NUP85: variants seen among roughly 807,000 people sequenced by gnomAD.
NUP85 encodes nuclear pore complex protein Nup85.
In NUP85, 23 loss-of-function variants were observed where a neutral mutation model predicts 92.8. The ratio of observed to expected loss-of-function variants is 0.25; its 90% CI spans 0.18 to 0.35. The LOEUF (loss-of-function observed/expected upper bound fraction) is 0.35. NUP85 is among the 10% of genes least tolerant of loss of function. The pLI is 1.00. For synonymous variants in NUP85, 314 were observed against 306.9 expected (o/e 1.02, Z -0.24); for missense variants, 759 against 822.8 (o/e 0.92, Z 0.95).
chr17:75,234,093 C>CCACG (rs2076224387), intron 16 of NUP85, among the ~76,000 whole-genome samples: 1 of 150,488 alleles, frequency 6.6e-6, no homozygotes, highest in Non-Finnish European at 1.5e-5. Flanking sequence ...ACTCTGTCGC[C>CCACG]CACGCTGGAG....
chr17:75,209,082 TAATA>T (rs2075178226), intron 2 of NUP85, among the ~76,000 whole-genome samples: 1 of 152,184 alleles, frequency 6.6e-6, no homozygotes, highest in African/African-American at 2.4e-5. Context: ...GGAAAAAAAT[TAATA>T]GTTTTCATGA....
At chr17:75,210,136 A>G (rs757397917) in intron 3 of NUP85, 151 bp downstream of exon 3, 26 of 637,674 alleles carry the variant, frequency 4.1e-5, no homozygotes, top group Non-Finnish European at 6.1e-5. Flanking sequence ...GACAGTGTAC[A>G]TTAGCAGTGA....
rs752455411 is a variant in NUP85, at chr17:75,233,146, C to G, written c.1603C>G (p.Leu535Val). ...LGPAMMLSDR[L>V]TFLGKYREFH... is the part of the protein sequence containing the mutation. ...GCCAGCCATGATGCTCAGTGACCGA[C>G]TGACATTCCTGGGTGAGTCTCTGGG... Residue 535 changes from leucine (L) to valine (V), a missense_variant, in exon 16 of 19, where the codon CTG becomes GTG. Transcript: ENST00000245544. The G allele has an allele frequency of 3.7e-6, 6 of 1,614,094 alleles. No individual in the cohort carries two copies. The highest frequency in any genetic ancestry group is 2.2e-5 in the East Asian group (1 of 44,874).
intron 3 of NUP85, 63 bp from the exon 4 acceptor site, chr17:75,211,929 C>T: frequency 7.8e-7 from 1 of 1,284,228 alleles, no homozygotes; most frequent in South Asian, 1.3e-5. Flanking sequence ...TTGAGTGTTT[C>T]CTTCCTTTGT....
At position 75,235,358 on chromosome 17, in the gene NUP85, A is replaced by C. The variant is rs151203844; in HGVS notation, c.1869+157A>C. 4.8e-6 allele frequency: 3 copies of C among 623,454 alleles called. No individual in the cohort carries two copies. The East Asian group carries it at 8.3e-5, about 17-fold the overall frequency. The allele number at this position is 623,454 out of a possible 1,614,324, so 38.6% of individuals were successfully genotyped here. On this transcript the variant is annotated intron_variant, in intron 18 of 18. Coordinates refer to ENST00000245544, the MANE Select transcript of NUP85 (RefSeq NM_024844.5). Reference sequence around the variant, plus strand: ...AATTCACACACCACCTTCTTTTAGGAGAAAATCAGGGATTCTAGTGTTCTC... The same window carrying C: ...AATTCACACACCACCTTCTTTTAGGCGAAAATCAGGGATTCTAGTGTTCTC...
chr17:75,214,394 G>A (rs971382205), intron 5 of NUP85, among the ~76,000 whole-genome samples: 2 of 152,122 alleles, frequency 1.3e-5, no homozygotes, highest in Admixed American at 1.3e-4. Context: ...ATTTATTTCG[G>A]GGTCTTATAT....
In NUP85 at chr17:75,231,542, A is replaced by G; in HGVS notation, c.1179-31A>G. 6.2e-7 allele frequency: 1 copy of G among 1,613,592 alleles called. No individual in the cohort carries two copies. Among genetic ancestry groups the G allele is most frequent in the Non-Finnish European group, 8.5e-7 (1 of 1,179,518 alleles). ...GGGGCCCTGAACAGGGCAGGCCAGGAGTCTTGGTCTTTTGTTATGTTTTAT... is the reference window on the plus strand; with the variant it reads ...GGGGCCCTGAACAGGGCAGGCCAGGGGTCTTGGTCTTTTGTTATGTTTTAT... On this transcript the variant is annotated intron_variant, in intron 12 of 18. Transcript: ENST00000245544. The surrounding 1 kb of genome is among the most constrained non-coding windows in gnomAD (Gnocchi z 4.6).
chr17:75,227,316 T>G (rs1333253157), intron 11 of NUP85, among the ~76,000 whole-genome samples: 2 of 147,524 alleles, frequency 1.4e-5, no homozygotes, highest in Non-Finnish European at 3.0e-5. Flanking sequence ...TTTTGTGTGT[T>G]TGTTTCTGGG....
chr17:75,231,444 G>A lies in NUP85; in HGVS notation c.1178+21G>A, dbSNP rs368696821. 37 of 1,613,304 alleles carry A rather than the reference G, an allele frequency of 2.3e-5. No homozygotes were observed. The Admixed American group carries it at 2.5e-4, about 11-fold the overall frequency. ...CTCTAGTAAGTGGCCGGGAGGCACC[G>A]ATCCTCCTCTTCTTACCACCAGGCC... On this transcript the variant is annotated intron_variant, in intron 12 of 18. Transcript: ENST00000245544. The surrounding 1 kb of genome is among the most constrained non-coding windows in gnomAD (Gnocchi z 4.6).
Position 75,208,518 on chromosome 17 carries a change from T to C in NUP85, c.34-9T>C, listed in dbSNP as rs368548724. 1.1e-4 allele frequency: 155 copies of C among 1,455,524 alleles called. No individual in the cohort carries two copies. Among genetic ancestry groups the C allele is most frequent in the South Asian group, 1.6e-4 (14 of 86,420 alleles). The allele number at this position is 1,455,524 out of a possible 1,614,324, so 90.2% of individuals were successfully genotyped here. A position where few individuals can be genotyped will look rare whatever the true frequency, so the allele number is the denominator to read the frequency against. On this transcript the variant is annotated splice_polypyrimidine_tract_variant and intron_variant, in intron 1 of 18. Transcript: ENST00000245544. Reference sequence around the variant, plus strand: ...TTTCATTTTAGATTTCTATGCCTTATTTTACTAGTTGATTCCAGGCGTGAA... The same window carrying C: ...TTTCATTTTAGATTTCTATGCCTTACTTTACTAGTTGATTCCAGGCGTGAA...
intron 4 of NUP85, 27 bp downstream of exon 4, chr17:75,212,089 T>C (rs202030397): frequency 0.076 from 88,408 of 1,162,180 alleles, 2,666 homozygotes; most frequent in Middle Eastern, 0.17. Flanking sequence ...CGTGCGCGCG[T>C]GTGTGTGTGT....
At chr17:75,214,900 G>A (rs1031348271) in intron 5 of NUP85, among the ~76,000 whole-genome samples, 1 of 150,054 alleles carries the variant, frequency 6.7e-6, no homozygotes, top group Non-Finnish European at 1.5e-5. Flanking sequence ...GGCAGGGCAC[G>A]GTGGCTCAAG....
chr17:75,214,707 T>C (rs548081676), intron 5 of NUP85, among the ~76,000 whole-genome samples: 245 of 151,496 alleles, frequency 1.6e-3, no homozygotes, highest in Admixed American at 4.0e-3. Flanking sequence ...AAATACAATA[T>C]TTAGCTAGGC....
chr17:75,224,135 G>A (rs1213087684), intron 7 of NUP85, among the ~76,000 whole-genome samples: 1 of 151,944 alleles, frequency 6.6e-6, no homozygotes, highest in Non-Finnish European at 1.5e-5. Context: ...AACCTCCGCC[G>A]CCCAGATTCA....
rs2076046902 is a variant in NUP85 at position 75,231,261 on chromosome 17, G to A, written c.1095-79G>A. ...CTCTTTGAGGGACAGGACATGTGGG[G>A]TTTCTTGCTCACCCCCACTCTTGTG... On this transcript the variant is annotated intron_variant, in intron 11 of 18. Coordinates refer to ENST00000245544, the MANE Select transcript of NUP85 (RefSeq NM_024844.5). The surrounding 1 kb of genome is among the most constrained non-coding windows in gnomAD (Gnocchi z 4.6). 7.4e-7 allele frequency: 1 copy of A among 1,354,738 alleles called. No homozygotes were observed. Among genetic ancestry groups the A allele is most frequent in the East Asian group, 2.3e-5 (1 of 43,646 alleles). The allele number at this position is 1,354,738 out of a possible 1,614,324, so 83.9% of individuals were successfully genotyped here. A position where few individuals can be genotyped will look rare whatever the true frequency, so the allele number is the denominator to read the frequency against.
chr17:75,218,680 G>T (rs2075508942), intron 7 of NUP85, among the ~76,000 whole-genome samples: 1 of 146,698 alleles, frequency 6.8e-6, no homozygotes, highest in Admixed American at 7.1e-5. Flanking sequence ...GCCAAGTCAG[G>T]AATCTCTTGA....
intron 1 of NUP85, among the ~76,000 whole-genome samples, chr17:75,206,690 T>C (rs1158567349): frequency 1.3e-5 from 2 of 151,880 alleles, no homozygotes; most frequent in African/African-American, 4.8e-5. Context: ...GGTAGAGGGA[T>C]TATGGTTATT....
Position 75,215,951 on chromosome 17 carries a change from C to T in NUP85, c.475+128C>T, listed in dbSNP as rs1303606932. 8 of 842,172 alleles carry T rather than the reference C, an allele frequency of 9.5e-6. No homozygotes were observed. In the African/African-American group the frequency reaches 1.0e-4, roughly 11 times the overall value. The allele number at this position is 842,172 out of a possible 1,614,324, so 52.2% of individuals were successfully genotyped here. A position where few individuals can be genotyped will look rare whatever the true frequency, so the allele number is the denominator to read the frequency against. On this transcript the variant is annotated intron_variant, in intron 6 of 18. Coordinates refer to ENST00000245544, the MANE Select transcript of NUP85 (RefSeq NM_024844.5). Reference sequence around the variant, plus strand: ...AATGTTCTTTCCATCATTATAACCACGGGAAGTCGTTAGAAAACACCCAAA... The same window carrying T: ...AATGTTCTTTCCATCATTATAACCATGGGAAGTCGTTAGAAAACACCCAAA...
intron 6 of NUP85, among the ~76,000 whole-genome samples, chr17:75,216,825 A>G (rs1400641688): frequency 6.6e-6 from 1 of 152,066 alleles, no homozygotes; most frequent in Non-Finnish European, 1.5e-5. Flanking sequence ...GGCTCTTTGT[A>G]TCTGCAGGTT....
Sources: allele counts gnomAD v4.1 joint callset (sites outside exome capture counted in the v4.1 genomes callset), GRCh38; gene constraint gnomAD v4.1.1; non-coding constraint Gnocchi (gnomAD v3.1); transcripts MANE v1.5; gene names NCBI Gene and HGNC (gene_info 2026-07-23, HGNC 2026-07-21).